Variants in KATNIP observed in about 807,000 individuals in gnomAD.
The protein encoded by KATNIP is katanin interacting protein, also known as katanin-interacting protein.
In KATNIP, 126 loss-of-function variants were observed where a neutral mutation model predicts 174.0. That is an observed-to-expected ratio of 0.72 (90% CI 0.63 to 0.84). KATNIP has a LOEUF of 0.84. Among genes scored for constraint, KATNIP ranks in the 40% least tolerant of loss-of-function variants. The pLI, the probability that KATNIP is intolerant of heterozygous loss-of-function variation, is 0.00. For synonymous variants in KATNIP, 810 were observed against 835.7 expected (o/e 0.97, Z 0.53); for missense variants, 1,958 against 2,109.7 (o/e 0.93, Z 1.41).
intron 4 of KATNIP, among the ~76,000 whole-genome samples, chr16:27,630,038 A>C (rs538607282): frequency 6.6e-6 from 1 of 152,318 alleles, no homozygotes; most frequent in East Asian, 1.9e-4. Context: ...ATATTTAAAA[A>C]ACAATAATAA....
At chr16:27,660,683 C>T (rs1470983047) in intron 6 of KATNIP, among the ~76,000 whole-genome samples, 6 of 149,258 alleles carry the variant, frequency 4.0e-5, no homozygotes, top group African/African-American at 7.4e-5. Flanking sequence ...ATTGCCCAGG[C>T]TATAATGCAG....
At chr16:27,724,500 A>G (rs1597302675) in intron 14 of KATNIP, among the ~76,000 whole-genome samples, 1 of 152,234 alleles carries the variant, frequency 6.6e-6, no homozygotes, top group East Asian at 1.9e-4. Context: ...AAAAAGGCAC[A>G]GGGTCTTAAG....
chr16:27,682,012 A>G (rs1266569265), intron 8 of KATNIP, among the ~76,000 whole-genome samples: 2 of 152,378 alleles, frequency 1.3e-5, no homozygotes, highest in East Asian at 3.9e-4. Flanking sequence ...CCTGTGGCCC[A>G]GTCAAGCCAA....
At chr16:27,566,997 A>G (rs559011910) in intron 1 of KATNIP, among the ~76,000 whole-genome samples, 1 of 152,250 alleles carries the variant, frequency 6.6e-6, no homozygotes, top group African/African-American at 2.4e-5. Flanking sequence ...TATTGGCTTC[A>G]CTAAGGAACT....
chr16:27,751,619 G>A, intron 16 of KATNIP, 100 bp from the exon 17 acceptor site: 3 of 1,074,166 alleles, frequency 2.8e-6, no homozygotes, highest in Non-Finnish European at 4.3e-6. Flanking sequence ...TAAGGGTGTG[G>A]GGTTGTACAG....
chr16:27,720,902 C>A lies in KATNIP; in HGVS notation c.1606-656C>A, dbSNP rs755232631. ...GAAAAGTCCCCTGGTTTGGGTTTTT[C>A]CATCTGTACCCAAAGCACTCATGAC... On this transcript the variant is annotated intron_variant, in intron 13 of 27. Transcript: ENST00000261588. Among the ~76,000 whole-genome samples, 156 of 152,254 alleles carry A rather than the reference C, an allele frequency of 1.0e-3. No individual in the cohort carries two copies. In the Middle Eastern group the frequency reaches 0.017, roughly 17 times the overall value.
At chr16:27,726,230 C>T (rs745529294) in intron 14 of KATNIP, among the ~76,000 whole-genome samples, 12 of 152,172 alleles carry the variant, frequency 7.9e-5, no homozygotes, top group Non-Finnish European at 1.8e-4. Flanking sequence ...CAGTTTCATC[C>T]CAAAACCATC....
chr16:27,698,513 C>A lies in KATNIP; in HGVS notation c.1113+13C>A. ...CAGCCCACTGCAGGTGCGCTCCGGGCTGGGAGAGGAACCGGGGGATGCTCC... is the reference window on the plus strand; with the variant it reads ...CAGCCCACTGCAGGTGCGCTCCGGGATGGGAGAGGAACCGGGGGATGCTCC... On this transcript the variant is annotated intron_variant, in intron 9 of 27. Coordinates refer to ENST00000261588, the MANE Select transcript of KATNIP (RefSeq NM_015202.5). 1 of 1,594,878 alleles carries A rather than the reference C, an allele frequency of 6.3e-7. No individual in the cohort carries two copies. The highest frequency in any genetic ancestry group is 1.1e-5 in the South Asian group (1 of 89,444).
At chr16:27,577,155 G>A (rs2090529344) in intron 2 of KATNIP, among the ~76,000 whole-genome samples, 1 of 152,280 alleles carries the variant, frequency 6.6e-6, no homozygotes, top group African/African-American at 2.4e-5. Flanking sequence ...AAAAGTTGTG[G>A]ATTTTTTAAA....
chr16:27,662,031 TATATATATATACACATAC>T lies in KATNIP; in HGVS notation c.540+13308_540+13325del, dbSNP rs2077527661. Among the ~76,000 whole-genome samples, 8 of 47,540 alleles carry T rather than the reference TATATATATATACACATAC, an allele frequency of 1.7e-4. 3 individuals are homozygous for T. The highest frequency in any genetic ancestry group is 8.1e-4 in the African/African-American group (7 of 8,602). 31.2% of individuals were successfully genotyped at this position (47,540 alleles called of 152,430 possible). ...ATATATATATACACATACATATATA[TATATATATATACACATAC>T]ATATATATATATATATATATATACA... On this transcript the variant is annotated intron_variant, in intron 6 of 27. Transcript: ENST00000261588.
At chr16:27,718,836 A>C (rs977699047) in intron 13 of KATNIP, 2 of 152,096 alleles carry the variant, frequency 1.3e-5, no homozygotes, top group Non-Finnish European at 2.9e-5. Context: ...GTTCCCCCTT[A>C]ACAAAAGCCA....
At chr16:27,726,145 T>C (rs2080440681) in intron 14 of KATNIP, among the ~76,000 whole-genome samples, 1 of 152,126 alleles carries the variant, frequency 6.6e-6, no homozygotes, top group Non-Finnish European at 1.5e-5. Flanking sequence ...GGAACCCTAC[T>C]GGGAATTGCA....
chr16:27,607,045 G>A (rs1567486995), intron 2 of KATNIP, among the ~76,000 whole-genome samples: 2 of 152,102 alleles, frequency 1.3e-5, no homozygotes, highest in African/African-American at 4.8e-5. Context: ...TTCCAGGAGG[G>A]TCCTTGGGAG....
At chr16:27,590,776 C>T (rs780615048) in intron 2 of KATNIP, among the ~76,000 whole-genome samples, 1 of 151,958 alleles carries the variant, frequency 6.6e-6, no homozygotes, top group Non-Finnish European at 1.5e-5. Context: ...CCCGGGCCCA[C>T]CTTCACCTTT....
In KATNIP at chr16:27,761,925, T is replaced by C. The variant is rs138363650; in HGVS notation, c.3809+335T>C. 6.4e-4 allele frequency among the ~76,000 whole-genome samples: 98 copies of C among 152,286 alleles called. No individual in the cohort carries two copies. In the East Asian group the frequency reaches 0.018, roughly 28 times the overall value. ...AGTAGCTGTCTGTAAACCTTTGCAGTGGATGGTTCAGAGTTTACACATGAA... is the reference window on the plus strand; with the variant it reads ...AGTAGCTGTCTGTAAACCTTTGCAGCGGATGGTTCAGAGTTTACACATGAA... On this transcript the variant is annotated intron_variant, in intron 19 of 27. Transcript: ENST00000261588.
At chr16:27,641,595 CAG>C (rs761833841) in intron 5 of KATNIP, among the ~76,000 whole-genome samples, 7 of 152,168 alleles carry the variant, frequency 4.6e-5, no homozygotes, top group Non-Finnish European at 7.4e-5. Flanking sequence ...TTACCAAACA[CAG>C]GGGAGTATGT....
intron 8 of KATNIP, among the ~76,000 whole-genome samples, chr16:27,697,474 A>G (rs937280550): frequency 6.6e-6 from 1 of 152,094 alleles, no homozygotes; most frequent in Non-Finnish European, 1.5e-5. Flanking sequence ...ACTTAAAGTA[A>G]CATTGTAAGG....
At position 27,723,929 on chromosome 16, in the gene KATNIP, G is replaced by C. The variant is rs115163837; in HGVS notation, c.1743+2234G>C. ...GCACCTGTCAGTTGCGAGGCACCTC[G>C]AGTCAGGAAACTAACAGGACAGGCA... is the stretch of plus-strand genomic sequence containing the variant. On this transcript the variant is annotated intron_variant, in intron 14 of 27. Transcript: ENST00000261588. 8.5e-5 allele frequency among the ~76,000 whole-genome samples: 13 copies of C among 152,308 alleles called. No individual in the cohort carries two copies. In the East Asian group the frequency reaches 2.1e-3, roughly 25 times the overall value.
chr16:27,764,578 T>G (rs1308400644), intron 19 of KATNIP, among the ~76,000 whole-genome samples: 1 of 152,258 alleles, frequency 6.6e-6, no homozygotes, highest in African/African-American at 2.4e-5. Flanking sequence ...ATCTGGCCAC[T>G]AGGGATGCTC....
Sources: allele counts gnomAD v4.1 joint callset (sites outside exome capture counted in the v4.1 genomes callset), GRCh38; gene constraint gnomAD v4.1.1; transcripts MANE v1.5; gene names NCBI Gene and HGNC (gene_info 2026-07-23, HGNC 2026-07-21).